The following COL19A1 variants were observed in gnomAD, a reference collection of about 807,000 sequenced individuals.
COL19A1 encodes the protein collagen type XIX alpha 1 chain, also known as collagen alpha-1(XIX) chain.
In COL19A1, 159 loss-of-function variants were observed where a neutral mutation model predicts 190.2. The ratio of observed to expected loss-of-function variants is 0.84; its 90% CI spans 0.73 to 0.95. The LOEUF (loss-of-function observed/expected upper bound fraction) is 0.95, where lower values mean the gene tolerates loss of function less well. COL19A1 is among the 40% of genes least tolerant of loss of function. The probability of loss-of-function intolerance (pLI) is 0.00; values close to 1 mark genes in which losing one functional copy is unlikely to be tolerated. For synonymous variants in COL19A1, 509 were observed against 458.9 expected, an observed-to-expected ratio of 1.11 and a Z score of -1.39; for missense variants, 1,418 against 1,431.9, an observed-to-expected ratio of 0.99 and a Z score of 0.16.
chr6:69,953,800 C>G (rs984125987), intron 9 of COL19A1, among the ~76,000 whole-genome samples: 6 of 152,010 alleles, frequency 3.9e-5, no homozygotes, highest in Non-Finnish European at 7.4e-5. Context: ...GTTTAATGTA[C>G]TACCAGCTTC....
intron 41 of COL19A1, 136 bp from the exon 42 acceptor site, chr6:70,176,384 C>T: frequency 2.8e-6 from 2 of 721,486 alleles, no homozygotes; most frequent in South Asian, 2.6e-5. Flanking sequence ...ACTAGCTTCA[C>T]CCCATCTAAT....
Position 70,171,948 on chromosome 6 carries a change from T to A in COL19A1, c.2569-16T>A, listed in dbSNP as rs762136385. On this transcript the variant is annotated splice_polypyrimidine_tract_variant and intron_variant, in intron 40 of 50. Transcript: ENST00000620364. ...TTGATTATTGCTCCTGCATTTCTTA[T>A]GTTCATATTTAACAGGGAGAGCCTG... is the stretch of plus-strand genomic sequence containing the variant. The A allele has an allele frequency of 6.2e-7, 1 of 1,612,078 alleles. No individual in the cohort carries two copies. Among genetic ancestry groups the A allele is most frequent in the Non-Finnish European group, 8.5e-7 (1 of 1,178,892 alleles).
chr6:69,971,225 T>A (rs1775403823), intron 11 of COL19A1, among the ~76,000 whole-genome samples: 1 of 152,260 alleles, frequency 6.6e-6, no homozygotes, highest in Admixed American at 6.5e-5. Flanking sequence ...ATTATTTTAA[T>A]GATTGCATAA....
At chr6:70,101,085 TTTCTGTGCCTACACTTATAA>T (rs1415065042) in intron 15 of COL19A1, among the ~76,000 whole-genome samples, 2 of 152,200 alleles carry the variant, frequency 1.3e-5, no homozygotes, top group Non-Finnish European at 2.9e-5. Flanking sequence ...AAAATGGGCC[TTTCTGTGCCTACACTTATAA>T]TTCTCCCCCA....
chr6:70,082,325 T>C (rs754225138), intron 15 of COL19A1, among the ~76,000 whole-genome samples: 4 of 152,184 alleles, frequency 2.6e-5, no homozygotes, highest in Admixed American at 6.5e-5. Context: ...ACTTCAAAAT[T>C]TCTTCTTCCA....
intron 16 of COL19A1, among the ~76,000 whole-genome samples, chr6:70,103,716 GCT>G (rs1195318566): frequency 2.6e-5 from 4 of 152,076 alleles, no homozygotes; most frequent in African/African-American, 9.7e-5. Context: ...CTTTGCCAGT[GCT>G]CTCAGCATTT....
chr6:70,181,820 C>T (rs1173720971), intron 44 of COL19A1, among the ~76,000 whole-genome samples: 1 of 151,982 alleles, frequency 6.6e-6, no homozygotes, highest in Non-Finnish European at 1.5e-5. Context: ...GGTCAGAGGA[C>T]CATTGTTTCA....
chr6:69,936,889 G>A lies in COL19A1; in HGVS notation c.852G>A (p.Gln284=). ...CAGCAAAGCAGGAACTTAAAGACCA[G>A]TGCCAGTGCATTCCAAACAAGGTAT... ...YLPAKQELKD[Q]CQCIPNKGEA... The change falls in exon 8 of 51, where the codon CAG becomes CAA. Residue 284 remains glutamine, a synonymous_variant. Transcript: ENST00000620364. 6.2e-7 allele frequency: 1 copy of A among 1,613,084 alleles called. No homozygotes were observed. Among genetic ancestry groups the A allele is most frequent in the Non-Finnish European group, 8.5e-7 (1 of 1,179,230 alleles).
chr6:70,089,323 T>A (rs1466138698), intron 15 of COL19A1, among the ~76,000 whole-genome samples: 4 of 152,184 alleles, frequency 2.6e-5, no homozygotes, highest in Admixed American at 2.6e-4. Flanking sequence ...CTCAAGGCTC[T>A]CATTTGCAAA....
At chr6:69,916,606 G>A (rs1015777785) in intron 4 of COL19A1, among the ~76,000 whole-genome samples, 4 of 152,156 alleles carry the variant, frequency 2.6e-5, no homozygotes, top group African/African-American at 9.7e-5. Context: ...CGTAGGATGT[G>A]CAAATGTCAG....
intron 15 of COL19A1, among the ~76,000 whole-genome samples, chr6:70,078,417 G>A (rs1352652508): frequency 6.6e-6 from 1 of 152,218 alleles, no homozygotes; most frequent in African/African-American, 2.4e-5. Context: ...GCAAAATGTG[G>A]TTTCAGGAGC....
At chr6:70,152,275 A>G (rs1481801856) in intron 31 of COL19A1, among the ~76,000 whole-genome samples, 2 of 152,070 alleles carry the variant, frequency 1.3e-5, no homozygotes, top group African/African-American at 4.8e-5. Context: ...TTATATATAT[A>G]TAATTTAGTT....
chr6:70,063,496 A>T (rs938263684), intron 14 of COL19A1, among the ~76,000 whole-genome samples: 1 of 152,142 alleles, frequency 6.6e-6, no homozygotes, highest in African/African-American at 2.4e-5. Flanking sequence ...GTAGAGGGAA[A>T]TTTATAGCAC....
At chr6:70,119,515 A>G (rs1238725579) in intron 16 of COL19A1, among the ~76,000 whole-genome samples, 1 of 152,220 alleles carries the variant, frequency 6.6e-6, no homozygotes, top group Non-Finnish European at 1.5e-5. Flanking sequence ...GGGTACACAC[A>G]TCATCATGAT....
intron 16 of COL19A1, among the ~76,000 whole-genome samples, chr6:70,116,806 A>C (rs183893107): frequency 2.0e-4 from 30 of 152,328 alleles, no homozygotes; most frequent in African/African-American, 7.2e-4. Context: ...AGCACTTTTG[A>C]AGAGAGTTGG....
At chr6:69,949,389 G>A (rs72914575) in intron 9 of COL19A1, among the ~76,000 whole-genome samples, 1,985 of 151,840 alleles carry the variant, frequency 0.013, 31 homozygotes, top group South Asian at 0.021. Flanking sequence ...AAAAAATGCC[G>A]CCTCAATAGT....
chr6:69,881,178 C>T (rs1768527641), intron 2 of COL19A1, among the ~76,000 whole-genome samples: 1 of 152,192 alleles, frequency 6.6e-6, no homozygotes, highest in East Asian at 1.9e-4. Flanking sequence ...CTTTAACAAG[C>T]TCCACAGATG....
chr6:70,088,040 C>T (rs547056384), intron 15 of COL19A1, among the ~76,000 whole-genome samples: 6 of 152,212 alleles, frequency 3.9e-5, no homozygotes, highest in Admixed American at 3.9e-4. Flanking sequence ...CTACGTGCCC[C>T]TAGGCAGTTT....
intron 47 of COL19A1, 136 bp downstream of exon 47, chr6:70,188,381 T>C: frequency 2.0e-5 from 21 of 1,029,976 alleles, no homozygotes; most frequent in Non-Finnish European, 2.9e-5. Context: ...ATAATAGCTG[T>C]CATTTAAAGT....
Sources: allele counts gnomAD v4.1 joint callset (sites outside exome capture counted in the v4.1 genomes callset), GRCh38; gene constraint gnomAD v4.1.1; transcripts MANE v1.5; gene names NCBI Gene and HGNC (gene_info 2026-07-23, HGNC 2026-07-21).